Variants in CCDC170 observed in about 807,000 individuals in gnomAD.
CCDC170 encodes the protein coiled-coil domain containing 170, also known as coiled-coil domain-containing protein 170.
In CCDC170, 69 loss-of-function variants were observed where a neutral mutation model predicts 72.6. The observed-to-expected ratio is 0.95, with a 90% CI of 0.78 to 1.16. CCDC170 has a LOEUF of 1.16. CCDC170 is among the 50% of genes most tolerant of loss of function. CCDC170 has a pLI of 0.00. For missense variants in CCDC170, 852 were observed against 832.5 expected, an observed-to-expected ratio of 1.02 and a Z score of -0.29; for synonymous variants, 300 against 303.9, an observed-to-expected ratio of 0.99 and a Z score of 0.13.
chr6:151,496,674 T>C (rs934477739), intron 1 of CCDC170, among the ~76,000 whole-genome samples: 4 of 152,332 alleles, frequency 2.6e-5, no homozygotes, highest in African/African-American at 7.2e-5. Context: ...AAAGCAGTGA[T>C]AGTCTGCAAC....
At position 151,538,357 on chromosome 6, in the gene CCDC170, G is replaced by A. The variant is rs540239578; in HGVS notation, c.443+56G>A. 3.8e-5 allele frequency: 57 copies of A among 1,492,798 alleles called. No homozygotes were observed. In the African/African-American group the frequency reaches 7.4e-4, roughly 19 times the overall value. 92.5% of individuals were successfully genotyped at this position (1,492,798 alleles called of 1,614,324 possible). A position where few individuals can be genotyped will look rare whatever the true frequency, so the allele number is the denominator to read the frequency against. On this transcript the variant is annotated intron_variant, in intron 3 of 10. Coordinates refer to ENST00000239374, the MANE Select transcript of CCDC170 (RefSeq NM_025059.4). ...AGCTAGCATTAAAATACTAGCTTCT[G>A]ATAGCAAGATATGTCTTTGAAAGTA...
At chr6:151,512,577 C>T (rs1782165352) in intron 1 of CCDC170, among the ~76,000 whole-genome samples, 1 of 152,212 alleles carries the variant, frequency 6.6e-6, no homozygotes. Flanking sequence ...GTGTTAGGAT[C>T]AGAGACTTGT....
rs531915960 is a variant in CCDC170 at position 151,546,734 on chromosome 6, C to A, written c.589-1570C>A. Among the ~76,000 whole-genome samples, 31 of 152,308 alleles carry A rather than the reference C, an allele frequency of 2.0e-4. No homozygotes were observed. The South Asian group carries it at 6.2e-3, about 31-fold the overall frequency. On this transcript the variant is annotated intron_variant, in intron 4 of 10. Coordinates refer to ENST00000239374, the MANE Select transcript of CCDC170 (RefSeq NM_025059.4). ...TGCTTATTCCTTCCTGTGGAGGCGA[C>A]AATAAAGCCTCTCGCCCGCTTTTCT...
chr6:151,566,219 C>T (rs1325936543), intron 5 of CCDC170, among the ~76,000 whole-genome samples: 1 of 152,218 alleles, frequency 6.6e-6, no homozygotes, highest in East Asian at 1.9e-4. Context: ...AGATTCCATT[C>T]TATTGGCTCA....
Position 151,564,070 on chromosome 6 carries a change from C to A in CCDC170, c.775-9104C>A, listed in dbSNP as rs573721214. 1.1e-4 allele frequency among the ~76,000 whole-genome samples: 16 copies of A among 152,264 alleles called. No individual in the cohort carries two copies. In the East Asian group the frequency reaches 2.9e-3, roughly 28 times the overall value. On this transcript the variant is annotated intron_variant, in intron 5 of 10. Coordinates refer to ENST00000239374, the MANE Select transcript of CCDC170 (RefSeq NM_025059.4). Reference sequence around the variant, plus strand: ...GTGCTCCTTTGGAGGCATCATATTTCCTTGCTTTTGCACGTTTCTTGTGTC... The same window carrying A: ...GTGCTCCTTTGGAGGCATCATATTTACTTGCTTTTGCACGTTTCTTGTGTC...
chr6:151,594,777 A>G (rs140768071), intron 8 of CCDC170, among the ~76,000 whole-genome samples: 12,367 of 151,486 alleles, frequency 0.082, 554 homozygotes, highest in African/African-American at 0.11. Context: ...TCAGCCTCCC[A>G]AGTATCTGGG....
intron 6 of CCDC170, among the ~76,000 whole-genome samples, chr6:151,575,620 C>T (rs1422305234): frequency 6.9e-6 from 1 of 144,254 alleles, no homozygotes; most frequent in African/African-American, 2.6e-5. Context: ...ATCTCCGCCT[C>T]CCAGGTTCAA....
intron 3 of CCDC170, among the ~76,000 whole-genome samples, chr6:151,541,806 GT>G (rs1782694252): frequency 6.9e-6 from 1 of 145,314 alleles, no homozygotes; most frequent in Admixed American, 6.9e-5. Flanking sequence ...TGAATCATAT[GT>G]TCTAAATATA....
At chr6:151,537,464 G>A (rs192076168) in intron 2 of CCDC170, among the ~76,000 whole-genome samples, 16 of 152,240 alleles carry the variant, frequency 1.1e-4, no homozygotes, top group Admixed American at 6.5e-4. Flanking sequence ...TCAGCATTTC[G>A]ATATCACAGA....
intron 5 of CCDC170, among the ~76,000 whole-genome samples, chr6:151,563,505 G>T (rs1776079657): frequency 6.6e-6 from 1 of 152,162 alleles, no homozygotes; most frequent in Admixed American, 6.5e-5. Context: ...CCCTGCACCT[G>T]CCAAAGTCAG....
rs1392609851 is a variant in CCDC170 at position 151,619,489 on chromosome 6, T to C, written c.*1342T>C. 6.6e-6 allele frequency: 1 copy of C among 152,220 alleles called. No homozygotes were observed. The highest frequency in any genetic ancestry group is 2.4e-5 in the African/African-American group (1 of 41,444). The allele number at this position is 152,220 out of a possible 1,614,324, so 9.4% of individuals were successfully genotyped here. On this transcript the variant is annotated 3_prime_UTR_variant, in exon 11 of 11. Coordinates refer to ENST00000239374, the MANE Select transcript of CCDC170 (RefSeq NM_025059.4). The stretch of plus-strand genomic sequence containing the variant: ...TTATTTCTATCATATAAGATGTATT[T>C]TTTTATTGTCCTTAAAAGAAGCTCT...
intron 6 of CCDC170, among the ~76,000 whole-genome samples, chr6:151,574,939 G>A (rs570628310): frequency 1.3e-5 from 2 of 152,080 alleles, no homozygotes; most frequent in South Asian, 4.2e-4. Context: ...ATAATGTGTT[G>A]GTGGCCTGAA....
At chr6:151,558,450 A>G (rs79181535) in intron 5 of CCDC170, among the ~76,000 whole-genome samples, 1 of 151,956 alleles carries the variant, frequency 6.6e-6, no homozygotes, top group South Asian at 2.1e-4. Context: ...TGCTGTTGAG[A>G]TCTTAGCCCT....
rs1029574338 is a variant in CCDC170, at chr6:151,593,248, A to T, written c.1435A>T (p.Asn479Tyr). 6 of 1,614,012 alleles carry T rather than the reference A, an allele frequency of 3.7e-6. No individual in the cohort carries two copies. In the African/African-American group the frequency reaches 8.0e-5, roughly 22 times the overall value. Residue 479 changes from asparagine (N) to tyrosine (Y), a missense_variant, in exon 8 of 11, where the codon AAC (asparagine) becomes TAC (tyrosine). Asn to Tyr is a moderately radical substitution (Grantham distance 143). Coordinates refer to ENST00000239374, the MANE Select transcript of CCDC170 (RefSeq NM_025059.4). ...VRLESNAVIE[N>Y]KTIAHNLQRK... ...TCTTGAGAGCAATGCAGTCATTGAG[A>T]ACAAGACCATTGCCCACAATTTGCA...
At chr6:151,499,472 G>T (rs112034133) in intron 1 of CCDC170, among the ~76,000 whole-genome samples, 26 of 104,786 alleles carry the variant, frequency 2.5e-4, no homozygotes, top group Middle Eastern at 6.0e-3. Context: ...AGTGGAATCA[G>T]ACTGTATTTG....
intron 2 of CCDC170, among the ~76,000 whole-genome samples, chr6:151,536,924 T>C (rs1364075306): frequency 1.3e-5 from 2 of 152,256 alleles, no homozygotes; most frequent in South Asian, 2.1e-4. Context: ...TGAAAAGTTA[T>C]GCATTTGCCA....
intron 4 of CCDC170, 91 bp from the exon 5 acceptor site, chr6:151,548,213 T>C: frequency 1.8e-6 from 2 of 1,111,848 alleles, no homozygotes; most frequent in Non-Finnish European, 2.4e-6. Context: ...ACATTTTTCA[T>C]ATGATAATGC....
At chr6:151,558,847 T>G (rs541045897) in intron 5 of CCDC170, among the ~76,000 whole-genome samples, 1 of 152,286 alleles carries the variant, frequency 6.6e-6, no homozygotes, top group South Asian at 2.1e-4. Flanking sequence ...AGCTTTGTTC[T>G]TTTTGCTCAG....
chr6:151,544,519 A>G, intron 3 of CCDC170, 53 bp from the exon 4 acceptor site: 1 of 1,533,682 alleles, frequency 6.5e-7, no homozygotes, highest in Non-Finnish European at 8.9e-7. Flanking sequence ...TGGTTTGATG[A>G]ATGTTATCTT....
Sources: allele counts gnomAD v4.1 joint callset (sites outside exome capture counted in the v4.1 genomes callset), GRCh38; gene constraint gnomAD v4.1.1; transcripts MANE v1.5; gene names NCBI Gene and HGNC (gene_info 2026-07-23, HGNC 2026-07-21).